The following IGSF5 variants were observed in gnomAD, a reference collection of about 807,000 sequenced individuals.
IGSF5 encodes immunoglobulin superfamily member 5, also known as immunoglobulin superfamily 5 like.
In IGSF5, 41 loss-of-function variants were observed where a neutral mutation model predicts 39.4. The ratio of observed to expected loss-of-function variants is 1.04; its 90% CI spans 0.81 to 1.35. The LOEUF is 1.35. Ranked by LOEUF, IGSF5 falls within the 40% of genes most tolerant of loss-of-function variation. The pLI is 0.00. For missense variants in IGSF5, 487 were observed against 494.6 expected, an observed-to-expected ratio of 0.98 and a Z score of 0.15; for synonymous variants, 183 against 175.3, an observed-to-expected ratio of 1.04 and a Z score of -0.34.
At chr21:39,759,711 C>CA (rs1416200446) in intron 2 of IGSF5, among the ~76,000 whole-genome samples, 1 of 151,518 alleles carries the variant, frequency 6.6e-6, no homozygotes, top group Non-Finnish European at 1.5e-5. Flanking sequence ...CTAAAAAATA[C>CA]AAAAAATTAG....
Position 39,781,687 on chromosome 21 carries a change from A to C in IGSF5, c.934+2382A>C, listed in dbSNP as rs558966704. On this transcript the variant is annotated intron_variant, in intron 5 of 8. Coordinates refer to ENST00000380588, the MANE Select transcript of IGSF5 (RefSeq NM_001080444.2). ...CAACCTGGAAAGTAAGTAAATAAGAAATGGTATCTCAGCATAGTTTTGATT... is the reference window on the plus strand; with the variant it reads ...CAACCTGGAAAGTAAGTAAATAAGACATGGTATCTCAGCATAGTTTTGATT... Among the ~76,000 whole-genome samples the C allele has an allele frequency of 5.4e-4, 83 of 152,326 alleles. 3 individuals are homozygous for C. In the South Asian group the frequency reaches 0.016, roughly 30 times the overall value.
rs548033462 is a variant in IGSF5 at position 39,747,741 on chromosome 21, A to G, written c.100+1443A>G. On this transcript the variant is annotated intron_variant, in intron 2 of 8. Transcript: ENST00000380588. The stretch of plus-strand genomic sequence containing the variant: ...TAGATAGGAAGTCTAGGTCATTAAC[A>G]TAATTTGTGCTCTCAGTTCATTTTT... Among the ~76,000 whole-genome samples, 23 of 152,338 alleles carry G rather than the reference A, an allele frequency of 1.5e-4. No individual in the cohort carries two copies. The South Asian group carries it at 4.8e-3, about 32-fold the overall frequency.
intron 5 of IGSF5, among the ~76,000 whole-genome samples, chr21:39,783,836 T>C (rs2146289388): frequency 6.6e-6 from 1 of 152,304 alleles, no homozygotes; most frequent in East Asian, 1.9e-4. Flanking sequence ...TTTCTTCTAG[T>C]AGTTTTATGG....
At chr21:39,743,690 CT>C (rs1341255861), upstream of IGSF5, among the ~76,000 whole-genome samples, 1 of 152,052 alleles carries the variant, frequency 6.6e-6, no homozygotes, top group Non-Finnish European at 1.5e-5. Flanking sequence ...ATAAGTCATA[CT>C]TTTTGCATAA....
At chr21:39,798,603 T>G (rs1306220669) in intron 8 of IGSF5, among the ~76,000 whole-genome samples, 1 of 152,228 alleles carries the variant, frequency 6.6e-6, no homozygotes, top group Admixed American at 6.5e-5. Flanking sequence ...TGTCTACATC[T>G]CAAGGCTGCC....
chr21:39,741,916 G>C (rs1236959314), upstream of IGSF5, among the ~76,000 whole-genome samples: 1 of 152,042 alleles, frequency 6.6e-6, no homozygotes, highest in Non-Finnish European at 1.5e-5. Context: ...TGTCTTTTGG[G>C]TTTCTGTACT....
At chr21:39,787,717 GTTA>G (rs1400728330) in intron 5 of IGSF5, among the ~76,000 whole-genome samples, 1 of 152,060 alleles carries the variant, frequency 6.6e-6, no homozygotes, top group African/African-American at 2.4e-5. Context: ...CTACTTTTGA[GTTA>G]TTATAACAGT....
intron 4 of IGSF5, among the ~76,000 whole-genome samples, chr21:39,775,485 C>A (rs56373284): frequency 0.089 from 13,490 of 152,158 alleles, 588 homozygotes; most frequent in Middle Eastern, 0.14. Flanking sequence ...TTATATTAAT[C>A]CATTTGGTTT....
chr21:39,730,900 C>A, the IGSF5 span, among the ~76,000 whole-genome samples: 1 of 152,296 alleles, frequency 6.6e-6, no homozygotes, highest in East Asian at 1.9e-4. Context: ...GAACTCCTGG[C>A]TTAGAGCCAA....
the IGSF5 span, among the ~76,000 whole-genome samples, chr21:39,734,247 AC>A: frequency 1.3e-5 from 2 of 151,900 alleles, no homozygotes; most frequent in East Asian, 3.9e-4. Flanking sequence ...ATATGGTGAA[AC>A]CCCATCTCTA....
rs535104474 is a variant in IGSF5, at chr21:39,788,664, G to T, written c.956+476G>T. ...AGTGTTCGGTGCTCATTCAGCCGTGGGGAGCGGACAGGACGGAAAAATTCC... is the reference window on the plus strand; with the variant it reads ...AGTGTTCGGTGCTCATTCAGCCGTGTGGAGCGGACAGGACGGAAAAATTCC... On this transcript the variant is annotated intron_variant, in intron 6 of 8. Transcript: ENST00000380588. Among the ~76,000 whole-genome samples, 5 of 152,322 alleles carry T rather than the reference G, an allele frequency of 3.3e-5. No homozygotes were observed. In the East Asian group the frequency reaches 9.7e-4, roughly 29 times the overall value.
At position 39,793,612 on chromosome 21, in the gene IGSF5, A is replaced by G; in HGVS notation, c.1127A>G (p.Gln376Arg). The change falls in exon 8 of 9, where the codon CAG becomes CGG. Residue 376 changes from glutamine to arginine, a missense_variant and splice_region_variant. By Grantham distance (43) the Gln-to-Arg change is conservative (BLOSUM62 1). Transcript: ENST00000380588. ...QRNSSCGPPH[Q>R]RADQRPPRPA... ...AACAGTAGCTGTGGCCCTCCTCACC[A>G]GGTAGTTTAGACCATTTTCCCCCTT... is the stretch of plus-strand genomic sequence containing the variant. 2 of 1,612,934 alleles carry G rather than the reference A, an allele frequency of 1.2e-6. No homozygotes were observed. The highest frequency in any genetic ancestry group is 1.7e-6 in the Non-Finnish European group (2 of 1,179,096).
chr21:39,757,529 C>A (rs2080037446), intron 2 of IGSF5, among the ~76,000 whole-genome samples: 1 of 151,714 alleles, frequency 6.6e-6, no homozygotes, highest in Non-Finnish European at 1.5e-5. Context: ...TGGGCCCACA[C>A]CAGGGGTTTC....
intron 3 of IGSF5, among the ~76,000 whole-genome samples, chr21:39,769,342 C>T (rs1057316406): frequency 2.0e-5 from 3 of 151,914 alleles, no homozygotes; most frequent in African/African-American, 7.3e-5. Flanking sequence ...TGGCTTATGC[C>T]TGTAATCCCA....
intron 8 of IGSF5, among the ~76,000 whole-genome samples, chr21:39,796,718 A>G (rs1198190401): frequency 6.6e-6 from 1 of 152,090 alleles, no homozygotes; most frequent in African/African-American, 2.4e-5. Flanking sequence ...AGATTGCACT[A>G]TTTTGCAGAA....
Position 39,771,688 on chromosome 21 carries a change from G to A in IGSF5, c.718+473G>A, listed in dbSNP as rs569080409. On this transcript the variant is annotated intron_variant, in intron 4 of 8. Coordinates refer to ENST00000380588, the MANE Select transcript of IGSF5 (RefSeq NM_001080444.2). Reference sequence around the variant, plus strand: ...CACCAAATCTACAATGTGTTTGAAAGTGTCAAGTCTATATGTATATAGTTT... The same window carrying A: ...CACCAAATCTACAATGTGTTTGAAAATGTCAAGTCTATATGTATATAGTTT... Among the ~76,000 whole-genome samples, 4 of 152,278 alleles carry A rather than the reference G, an allele frequency of 2.6e-5. No individual in the cohort carries two copies. The South Asian group carries it at 8.3e-4, about 32-fold the overall frequency.
the IGSF5 span, among the ~76,000 whole-genome samples, chr21:39,738,556 T>G: frequency 6.6e-6 from 1 of 152,212 alleles, no homozygotes; most frequent in Non-Finnish European, 1.5e-5. This position sits in a 1 kb window ranked among gnomAD's most constrained non-coding sequence, Gnocchi z 6.4. Context: ...AATTTTTATG[T>G]GCGTGGAGGC....
At chr21:39,767,249 A>T (rs1601129691) in intron 3 of IGSF5, among the ~76,000 whole-genome samples, 1 of 152,210 alleles carries the variant, frequency 6.6e-6, no homozygotes, top group Admixed American at 6.5e-5. Context: ...CAATTTCTTC[A>T]TCTTTAACCT....
At chr21:39,776,240 A>C (rs1157455694) in intron 4 of IGSF5, among the ~76,000 whole-genome samples, 3 of 151,856 alleles carry the variant, frequency 2.0e-5, no homozygotes, top group African/African-American at 7.2e-5. Context: ...GATAAATTTT[A>C]AATGGTTATG....
Sources: gnomAD v4.1 joint callset for allele counts (sites outside exome capture counted in the v4.1 genomes callset) on GRCh38, gnomAD v4.1.1 for gene constraint, Gnocchi (gnomAD v3.1) non-coding constraint, MANE v1.5 for transcripts, NCBI Gene and HGNC (gene_info 2026-07-23, HGNC 2026-07-21) for gene names.